LRRC4C: variants seen among roughly 807,000 people sequenced by gnomAD.
The protein encoded by LRRC4C is leucine-rich repeat-containing protein 4C.
Under a neutral mutation model 33.6 loss-of-function variants are expected in LRRC4C, and 5 were observed. The ratio of observed to expected loss-of-function variants is 0.15; its 90% CI spans 0.08 to 0.31. LRRC4C has a LOEUF of 0.31. LRRC4C is among the 10% of genes least tolerant of loss of function. The pLI is 1.00. For synonymous variants in LRRC4C, 329 were observed against 302.0 expected, an observed-to-expected ratio of 1.09 and a Z score of -0.93; for missense variants, 560 against 796.7, an observed-to-expected ratio of 0.70 and a Z score of 3.58.
At chr11:40,454,570 C>A (rs1952045964) in intron 3 of LRRC4C, among the ~76,000 whole-genome samples, 1 of 152,096 alleles carries the variant, frequency 6.6e-6, no homozygotes, top group Admixed American at 6.6e-5. Context: ...TCAACAACTT[C>A]TTAGCTCTCT....
chr11:40,125,535 G>C (rs1273449451), intron 6 of LRRC4C, among the ~76,000 whole-genome samples: 1 of 149,672 alleles, frequency 6.7e-6, no homozygotes, highest in Non-Finnish European at 1.5e-5. Context: ...ATCCTCACAC[G>C]TTTATGTTCA....
At chr11:41,379,462 G>A (rs947071420) in intron 1 of LRRC4C, among the ~76,000 whole-genome samples, 1 of 152,150 alleles carries the variant, frequency 6.6e-6, no homozygotes, top group Admixed American at 6.6e-5. Flanking sequence ...GAAGTTAGCA[G>A]TGAAGTTGAC....
rs372864103 is a variant in LRRC4C, at chr11:40,321,427, ATC to A, written c.-269-1708_-269-1707del. Among the ~76,000 whole-genome samples the A allele has an allele frequency of 4.0e-3, 604 of 152,328 alleles. 8 individuals are homozygous for A. The highest frequency in any genetic ancestry group is 0.014 in the African/African-American group (586 of 41,560). On this transcript the variant is annotated intron_variant, in intron 3 of 6. Transcript: ENST00000528697. ...ATTATACTTCTAATGCACTGGGCTA[ATC>A]TCTCTACATTACTGTACAAATTAAG...
intron 2 of LRRC4C, among the ~76,000 whole-genome samples, chr11:40,730,470 T>G (rs1947509041): frequency 6.6e-6 from 1 of 152,180 alleles, no homozygotes. Context: ...AGTTTTGAGG[T>G]AGAAGAGACT....
intron 5 of LRRC4C, among the ~76,000 whole-genome samples, chr11:40,180,865 A>G (rs1270882130): frequency 2.0e-5 from 3 of 152,228 alleles, no homozygotes; most frequent in Non-Finnish European, 4.4e-5. Flanking sequence ...TTTATCATAA[A>G]GTCCCCACAG....
At chr11:40,798,954 T>C (rs1313732385) in intron 2 of LRRC4C, among the ~76,000 whole-genome samples, 1 of 152,158 alleles carries the variant, frequency 6.6e-6, no homozygotes, top group Non-Finnish European at 1.5e-5. Context: ...GTATTATAAG[T>C]TTCTTTTATA....
intron 3 of LRRC4C, among the ~76,000 whole-genome samples, chr11:40,448,869 T>C (rs550405161): frequency 6.6e-6 from 1 of 152,340 alleles, no homozygotes; most frequent in African/African-American, 2.4e-5. Flanking sequence ...ACATCAGCAG[T>C]GTAAAAGCAT....
At chr11:40,998,195 AAT>A (rs1397986220) in intron 1 of LRRC4C, among the ~76,000 whole-genome samples, 1 of 152,024 alleles carries the variant, frequency 6.6e-6, no homozygotes, top group East Asian at 1.9e-4. Flanking sequence ...ATTATAAACA[AAT>A]ATGTATATAT....
At chr11:40,152,961 C>A (rs1478636761) in intron 5 of LRRC4C, among the ~76,000 whole-genome samples, 1 of 152,126 alleles carries the variant, frequency 6.6e-6, no homozygotes, top group Non-Finnish European at 1.5e-5. Flanking sequence ...TGGAAAGCAC[C>A]ACCTCCTGGC....
At chr11:40,193,178 G>T (rs1394951043) in intron 5 of LRRC4C, among the ~76,000 whole-genome samples, 1 of 152,164 alleles carries the variant, frequency 6.6e-6, no homozygotes, top group Non-Finnish European at 1.5e-5. Context: ...CCCAGCAGGG[G>T]TCGATAGACA....
chr11:40,548,715 A>G (rs1467598878), intron 3 of LRRC4C, among the ~76,000 whole-genome samples: 1 of 152,172 alleles, frequency 6.6e-6, no homozygotes, highest in Non-Finnish European at 1.5e-5. Context: ...GAGAGTACGA[A>G]TGGCAGCTTA....
intron 1 of LRRC4C, among the ~76,000 whole-genome samples, chr11:41,136,898 C>G (rs1194520034): frequency 6.6e-6 from 1 of 152,118 alleles, no homozygotes; most frequent in East Asian, 1.9e-4. Flanking sequence ...GTGATATTGC[C>G]TACATAAATT....
At chr11:40,620,263 C>A (rs1478650876) in intron 3 of LRRC4C, among the ~76,000 whole-genome samples, 1 of 151,550 alleles carries the variant, frequency 6.6e-6, no homozygotes, top group African/African-American at 2.4e-5. Context: ...ATGAAATTGA[C>A]TAGCTATAAG....
intron 3 of LRRC4C, among the ~76,000 whole-genome samples, chr11:40,503,518 T>C (rs780243461): frequency 2.6e-5 from 4 of 152,212 alleles, no homozygotes; most frequent in African/African-American, 9.6e-5. Context: ...ATATTGTCTA[T>C]GCACATTCTT....
chr11:41,312,639 A>C (rs55790381), intron 1 of LRRC4C, among the ~76,000 whole-genome samples: 2,121 of 152,314 alleles, frequency 0.014, 51 homozygotes, highest in African/African-American at 0.048. Flanking sequence ...GTTGTACTAC[A>C]GTTCAGGTTT....
chr11:40,307,004 A>ATCTACCTATC (rs1555013471), intron 4 of LRRC4C, among the ~76,000 whole-genome samples: 23 of 149,734 alleles, frequency 1.5e-4, no homozygotes, highest in Admixed American at 1.0e-3. Flanking sequence ...GTATCTATGT[A>ATCTACCTATC]TCTATCTATC....
chr11:41,228,130 A>G (rs1218038885), intron 1 of LRRC4C, among the ~76,000 whole-genome samples: 2 of 152,040 alleles, frequency 1.3e-5, no homozygotes, highest in African/African-American at 2.4e-5. Flanking sequence ...TCTATCACCT[A>G]TCTTTCTATC....
chr11:40,231,739 TTG>T (rs946797163), intron 5 of LRRC4C, among the ~76,000 whole-genome samples: 2 of 152,228 alleles, frequency 1.3e-5, no homozygotes, highest in African/African-American at 4.8e-5. Context: ...TATAGTCTGG[TTG>T]TGTGTGTATA....
chr11:40,191,027 A>T (rs1462879112), intron 5 of LRRC4C, among the ~76,000 whole-genome samples: 1 of 152,192 alleles, frequency 6.6e-6, no homozygotes, highest in Admixed American at 6.5e-5. Context: ...TACTATTGCT[A>T]CTACTATTGA....
Sources: gnomAD v4.1 joint callset for allele counts (sites outside exome capture counted in the v4.1 genomes callset) on GRCh38, gnomAD v4.1.1 for gene constraint, MANE v1.5 for transcripts, NCBI Gene and HGNC (gene_info 2026-07-23, HGNC 2026-07-21) for gene names.